BCAS3: variants seen among roughly 807,000 people sequenced by gnomAD.
BCAS3 encodes BCAS3 microtubule associated cell migration factor.
Under a neutral mutation model 116.1 loss-of-function variants are expected in BCAS3, and 53 were observed. The observed-to-expected ratio is 0.46, with a 90% CI of 0.37 to 0.57. The LOEUF (loss-of-function observed/expected upper bound fraction) is 0.57. Ranked by LOEUF, BCAS3 falls within the 20% of genes least tolerant of loss-of-function variation. BCAS3 has a pLI of 0.00. For missense variants in BCAS3, 917 were observed against 1,165.4 expected (o/e 0.79, Z 3.10); for synonymous variants, 391 against 408.2 (o/e 0.96, Z 0.51).
chr17:61,075,127 G>A (rs1410477681), intron 20 of BCAS3, 107 bp downstream of exon 20: 1 of 804,564 alleles, frequency 1.2e-6, no homozygotes. Flanking sequence ...CTCTTTATTG[G>A]ATTATCAAGA....
At position 61,387,374 on chromosome 17, in the gene BCAS3, G is replaced by A. The variant is rs1014494808; in HGVS notation, c.2594-4603G>A. ...GGGCACACGCTCCCAAGTGACCAGGGTTGCTTCTCTCTAAAAAGGCCAGTC... is the reference window on the plus strand; with the variant it reads ...GGGCACACGCTCCCAAGTGACCAGGATTGCTTCTCTCTAAAAAGGCCAGTC... On this transcript the variant is annotated intron_variant, in intron 23 of 23. Coordinates refer to ENST00000407086, the MANE Select transcript of BCAS3 (RefSeq NM_017679.5). The surrounding 1 kb of genome is among the most constrained non-coding windows in gnomAD (Gnocchi z 6.2). Among the ~76,000 whole-genome samples the A allele has an allele frequency of 3.9e-5, 6 of 152,196 alleles. No homozygotes were observed. The highest frequency in any genetic ancestry group is 7.2e-5 in the African/African-American group (3 of 41,446).
chr17:60,732,723 C>T (rs1284843040), intron 5 of BCAS3, among the ~76,000 whole-genome samples: 1 of 152,116 alleles, frequency 6.6e-6, no homozygotes, highest in African/African-American at 2.4e-5. Context: ...CCTGTAGTCC[C>T]AGCTACTCAG....
At chr17:60,945,568 A>C (rs1185975845) in intron 13 of BCAS3, among the ~76,000 whole-genome samples, 1 of 152,164 alleles carries the variant, frequency 6.6e-6, no homozygotes, top group Non-Finnish European at 1.5e-5. Flanking sequence ...TGGGAGGCTG[A>C]GGTAGGCGGA....
chr17:60,905,417 G>C (rs1321579313), intron 11 of BCAS3, among the ~76,000 whole-genome samples: 4 of 152,156 alleles, frequency 2.6e-5, no homozygotes, highest in African/African-American at 7.2e-5. Context: ...TATATTCATT[G>C]ATAAAATCTT....
chr17:60,816,677 T>C (rs1045716338), intron 7 of BCAS3, among the ~76,000 whole-genome samples: 1 of 152,222 alleles, frequency 6.6e-6, no homozygotes, highest in Non-Finnish European at 1.5e-5. Context: ...TGAATCTCTA[T>C]GCAAAACATT....
intron 6 of BCAS3, among the ~76,000 whole-genome samples, chr17:60,791,657 AGAAAT>A (rs2046777107): frequency 6.6e-6 from 1 of 152,190 alleles, no homozygotes; most frequent in Non-Finnish European, 1.5e-5. Flanking sequence ...AACAGACACA[AGAAAT>A]GCTTTTTATC....
intron 22 of BCAS3, among the ~76,000 whole-genome samples, chr17:61,160,906 C>G (rs1247478351): frequency 6.6e-6 from 1 of 152,138 alleles, no homozygotes; most frequent in Non-Finnish European, 1.5e-5. Context: ...TAAAATATTT[C>G]TGACCCACAA....
At chr17:60,779,187 C>T (rs1228766178) in intron 6 of BCAS3, among the ~76,000 whole-genome samples, 2 of 151,798 alleles carry the variant, frequency 1.3e-5, no homozygotes, top group South Asian at 2.1e-4. Context: ...CTCTCCCCAC[C>T]CCCAAATAAA....
rs2145308245 is a variant in BCAS3, at chr17:60,961,544, A to G, written c.1221+14192A>G. Among the ~76,000 whole-genome samples the G allele has an allele frequency of 6.6e-6, 1 of 152,312 alleles. No individual in the cohort carries two copies. The highest frequency in any genetic ancestry group is 2.4e-5 in the African/African-American group (1 of 41,578). On this transcript the variant is annotated intron_variant, in intron 14 of 23. Coordinates refer to ENST00000407086, the MANE Select transcript of BCAS3 (RefSeq NM_017679.5). This position sits in a 1 kb window ranked among gnomAD's most constrained non-coding sequence, Gnocchi z 4.8. ...TCAATTTTGGAATCATTTTAGAGTTACAGAAAAGTTGCAAAGATAGTATAG... is the reference window on the plus strand; with the variant it reads ...TCAATTTTGGAATCATTTTAGAGTTGCAGAAAAGTTGCAAAGATAGTATAG...
chr17:61,357,522 G>A (rs2143411135), intron 22 of BCAS3, among the ~76,000 whole-genome samples: 1 of 148,962 alleles, frequency 6.7e-6, no homozygotes, highest in South Asian at 2.1e-4. Flanking sequence ...TCGGCTCACT[G>A]CAGCCTCTGC....
intron 22 of BCAS3, among the ~76,000 whole-genome samples, chr17:61,137,636 G>T (rs1174283818): frequency 1.3e-5 from 2 of 152,202 alleles, no homozygotes; most frequent in African/African-American, 2.4e-5. Flanking sequence ...GGGCGTGGTG[G>T]CACACGCCTG....
chr17:60,850,365 T>TTC (rs2052999786), intron 7 of BCAS3, among the ~76,000 whole-genome samples: 1 of 142,616 alleles, frequency 7.0e-6, no homozygotes, highest in Non-Finnish European at 1.5e-5. Flanking sequence ...TTTTTTTTTT[T>TTC]TTTTTTTTTG....
At chr17:60,822,299 A>T (rs2050031936) in intron 7 of BCAS3, among the ~76,000 whole-genome samples, 1 of 152,228 alleles carries the variant, frequency 6.6e-6, no homozygotes, top group Non-Finnish European at 1.5e-5. Context: ...TTTAATAAAT[A>T]TGCAGTGGTG....
Position 61,388,760 on chromosome 17 carries a change from G to C in BCAS3, c.2594-3217G>C. The C allele has an allele frequency of 6.7e-7, 1 of 1,498,368 alleles. No homozygotes were observed. Among genetic ancestry groups the C allele is most frequent in the Non-Finnish European group, 9.0e-7 (1 of 1,116,038 alleles). The allele number at this position is 1,498,368 out of a possible 1,614,324, so 92.8% of individuals were successfully genotyped here. On this transcript the variant is annotated intron_variant, in intron 23 of 23. Transcript: ENST00000407086. This position sits in a 1 kb window ranked among gnomAD's most constrained non-coding sequence, Gnocchi z 6.5. ...CTTGCTCGTAGGGCTGGGCGGCCGG[G>C]ATGACTTGGAGGGGGGAATCTGAGC...
chr17:60,702,703 C>T (rs1478159338), intron 4 of BCAS3, among the ~76,000 whole-genome samples: 1 of 152,148 alleles, frequency 6.6e-6, no homozygotes, highest in East Asian at 1.9e-4. Context: ...AATCTTCCCA[C>T]CTCAGCCTCC....
chr17:61,048,403 A>G (rs1349433044), intron 19 of BCAS3, among the ~76,000 whole-genome samples: 1 of 152,040 alleles, frequency 6.6e-6, no homozygotes, highest in African/African-American at 2.4e-5. Flanking sequence ...GCCTTAGTTT[A>G]TCGTCTTTGG....
chr17:60,955,699 A>G (rs1014775947), intron 14 of BCAS3, among the ~76,000 whole-genome samples: 1 of 151,950 alleles, frequency 6.6e-6, no homozygotes, highest in Non-Finnish European at 1.5e-5. Flanking sequence ...CTGAATTTTT[A>G]TATCTCTTTA....
chr17:60,869,251 C>CTAATGACAAA (rs1326241547), intron 8 of BCAS3, among the ~76,000 whole-genome samples: 2 of 152,162 alleles, frequency 1.3e-5, no homozygotes, highest in African/African-American at 4.8e-5. Context: ...ACCTCTACTG[C>CTAATGACAAA]TAATGACAAA....
At chr17:61,111,426 C>G (rs1568376381) in intron 22 of BCAS3, among the ~76,000 whole-genome samples, 1 of 150,818 alleles carries the variant, frequency 6.6e-6, no homozygotes, top group Non-Finnish European at 1.5e-5. Context: ...GGCTCGAGAA[C>G]TACGTGAAGA....
Sources: allele counts gnomAD v4.1 joint callset (sites outside exome capture counted in the v4.1 genomes callset), GRCh38; gene constraint gnomAD v4.1.1; non-coding constraint Gnocchi (gnomAD v3.1); transcripts MANE v1.5; gene names NCBI Gene and HGNC (gene_info 2026-07-23, HGNC 2026-07-21).